The following CDKN3 variants were observed in gnomAD, a reference collection of about 807,000 sequenced individuals.
CDKN3 encodes cyclin dependent kinase inhibitor 3.
Under a neutral mutation model 36.1 loss-of-function variants are expected in CDKN3, and 19 were observed. The observed-to-expected ratio is 0.53, with a 90% confidence interval of 0.37 to 0.77. CDKN3 has a LOEUF of 0.77. Ranked by LOEUF, CDKN3 falls within the 30% of genes least tolerant of loss-of-function variation. The pLI is 0.00. For synonymous variants in CDKN3, 71 were observed against 85.3 expected (o/e 0.83, Z 0.92); for missense variants, 188 against 248.6 (o/e 0.76, Z 1.64).
chr14:54,397,044 T>G lies in CDKN3; in HGVS notation c.-25T>G. ...CCGGCGCTGCAGAGGGAGGCGGCAC[T>G]GGTCTCGACGTGGGGCGGCCAGCGA... On this transcript the variant is annotated 5_prime_UTR_variant, in exon 1 of 8. Coordinates refer to ENST00000335183, the MANE Select transcript of CDKN3 (RefSeq NM_005192.4). The G allele has an allele frequency of 6.7e-7, 1 of 1,490,650 alleles. No individual in the cohort carries two copies. 92.3% of individuals were successfully genotyped at this position (1,490,650 alleles called of 1,614,324 possible). A position where few individuals can be genotyped will look rare whatever the true frequency, so the allele number is the denominator to read the frequency against.
At position 54,397,080 on chromosome 14, in the gene CDKN3, G is replaced by A; in HGVS notation, c.9+3G>A. The stretch of plus-strand genomic sequence containing the variant: ...TGGGGCGGCCAGCGATGAAGCCGGT[G>A]AGTCGGACGTGCTGGGGTTTGGAGG... On this transcript the variant is annotated splice_donor_region_variant and intron_variant, in intron 1 of 7. Coordinates refer to ENST00000335183, the MANE Select transcript of CDKN3 (RefSeq NM_005192.4). 6.7e-7 allele frequency: 1 copy of A among 1,502,294 alleles called. No individual in the cohort carries two copies. Among genetic ancestry groups the A allele is most frequent in the Non-Finnish European group, 8.9e-7 (1 of 1,122,684 alleles). 93.1% of individuals were successfully genotyped at this position (1,502,294 alleles called of 1,614,324 possible).
At chr14:54,408,558 C>A (rs4251623) in intron 3 of CDKN3, 187 bp from the exon 4 acceptor site, 454,993 of 660,698 alleles carry the variant, frequency 0.69, 157,325 homozygotes, top group Middle Eastern at 0.72. Flanking sequence ...AGAATCCTTG[C>A]TTAGGATGAA....
In CDKN3 at chr14:54,420,107, T is replaced by C. The variant is rs781388850; in HGVS notation, c.*29T>C. The C allele has an allele frequency of 6.5e-6, 8 of 1,225,016 alleles. No homozygotes were observed. The South Asian group carries it at 8.9e-5, about 14-fold the overall frequency. The allele number at this position is 1,225,016 out of a possible 1,614,324, so 75.9% of individuals were successfully genotyped here. On this transcript the variant is annotated 3_prime_UTR_variant, in exon 8 of 8. Transcript: ENST00000335183. ...AATTCAAATAGCATATATATGACCA[T>C]GTCTGAAATGTCAGTTCTCTAGCAT...
At chr14:54,419,546 TTA>T (rs778095575) in intron 7 of CDKN3, among the ~76,000 whole-genome samples, 6 of 152,232 alleles carry the variant, frequency 3.9e-5, no homozygotes, top group Non-Finnish European at 7.3e-5. Context: ...CCCTAGTGCA[TTA>T]TGTCATCACA....
At chr14:54,418,149 TA>T in intron 7 of CDKN3, 198 bp downstream of exon 7, 1 of 706,686 alleles carries the variant, frequency 1.4e-6, no homozygotes. Flanking sequence ...CCAGGTAGTC[TA>T]AAAAAGCACA....
intron 3 of CDKN3, among the ~76,000 whole-genome samples, chr14:54,402,204 C>CAA (rs202192816): frequency 1.4e-3 from 156 of 110,586 alleles, no homozygotes; most frequent in Non-Finnish European, 1.9e-3. Flanking sequence ...GACTCTGTCT[C>CAA]AAAAAAAAAA....
intron 7 of CDKN3, chr14:54,418,419 G>A (rs2030620581): frequency 8.1e-6 from 5 of 617,022 alleles, no homozygotes; most frequent in South Asian, 7.7e-5. Context: ...ATGGAAAGCA[G>A]TGCTAATTAT....
At chr14:54,400,243 A>AATAAGAC (rs1224744355) in intron 2 of CDKN3, among the ~76,000 whole-genome samples, 3 of 122,570 alleles carry the variant, frequency 2.4e-5, no homozygotes, top group Non-Finnish European at 5.5e-5. Context: ...TCTTTATAAG[A>AATAAGAC]CCCTTTTTTT....
intron 7 of CDKN3, among the ~76,000 whole-genome samples, chr14:54,419,557 C>T (rs2139992153): frequency 6.6e-6 from 1 of 152,172 alleles, no homozygotes; most frequent in Non-Finnish European, 1.5e-5. Flanking sequence ...TATGTCATCA[C>T]AAAAAAGCAG....
intron 6 of CDKN3, among the ~76,000 whole-genome samples, chr14:54,417,266 C>T (rs4251658): frequency 0.048 from 7,238 of 152,028 alleles, 589 homozygotes; most frequent in African/African-American, 0.17. Flanking sequence ...CATCAGTTGA[C>T]GAACAGATAA....
Position 54,417,933 on chromosome 14 carries a change from G to A in CDKN3, c.534G>A (p.Gly178=). 2 of 1,587,836 alleles carry A rather than the reference G, an allele frequency of 1.3e-6. No individual in the cohort carries two copies. Among genetic ancestry groups the A allele is most frequent in the Non-Finnish European group, 1.7e-6 (2 of 1,165,346 alleles). Residue 178 remains glycine, a synonymous_variant, in exon 7 of 8, where the codon GGG becomes GGA. Coordinates refer to ENST00000335183, the MANE Select transcript of CDKN3 (RefSeq NM_005192.4). The part of the protein sequence containing the change: ...IDSLRDLRGS[G]AIQTIKQYNY... ...GCCTGCGAGACCTAAGAGGATCCGG[G>A]GCAATACAGACCATCAAGGTGAGGA...
intron 7 of CDKN3, 191 bp downstream of exon 7, chr14:54,418,142 G>C (rs2030611756): frequency 1.4e-6 from 1 of 707,272 alleles, no homozygotes. Flanking sequence ...ATATAATCCA[G>C]GTAGTCTAAA....
chr14:54,401,667 T>G lies in CDKN3; in HGVS notation c.148+88T>G, dbSNP rs1433334535. 3.1e-6 allele frequency: 3 copies of G among 968,118 alleles called. No homozygotes were observed. In the East Asian group the frequency reaches 8.1e-5, roughly 26 times the overall value. 60.0% of individuals were successfully genotyped at this position (968,118 alleles called of 1,614,324 possible). A position where few individuals can be genotyped will look rare whatever the true frequency, so the allele number is the denominator to read the frequency against. On this transcript the variant is annotated intron_variant, in intron 3 of 7. Coordinates refer to ENST00000335183, the MANE Select transcript of CDKN3 (RefSeq NM_005192.4). ...CAGTAGCTTTTGGGGGGACAGGTGG[T>G]GTTTGGTTACATAAATAAGTTCTTT...
rs1425691140 is a variant in CDKN3, at chr14:54,415,942, A to G, written c.448+12A>G. The G allele has an allele frequency of 6.4e-7, 1 of 1,567,986 alleles. No individual in the cohort carries two copies. Among genetic ancestry groups the G allele is most frequent in the Admixed American group, 1.7e-5 (1 of 59,794 alleles). On this transcript the variant is annotated intron_variant, in intron 6 of 7. Coordinates refer to ENST00000335183, the MANE Select transcript of CDKN3 (RefSeq NM_005192.4). ...GAGATCTTGTCTTGGTAAGAAATAT[A>G]TTTCTATTATTTTTTTAACCGCCAA... is the stretch of plus-strand genomic sequence containing the variant.
chr14:54,407,264 G>A (rs1341219332), intron 3 of CDKN3, among the ~76,000 whole-genome samples: 1 of 152,210 alleles, frequency 6.6e-6, no homozygotes, highest in Admixed American at 6.5e-5. Context: ...GAGTTCTCCT[G>A]TACGAAGTGT....
intron 3 of CDKN3, among the ~76,000 whole-genome samples, chr14:54,404,674 A>C (rs568168539): frequency 6.6e-6 from 1 of 151,994 alleles, no homozygotes; most frequent in East Asian, 1.9e-4. Flanking sequence ...TCCCGGGTTC[A>C]TGCCATTCTC....
chr14:54,405,513 C>A (rs982347285), intron 3 of CDKN3, among the ~76,000 whole-genome samples: 2 of 152,054 alleles, frequency 1.3e-5, no homozygotes, highest in African/African-American at 4.8e-5. Flanking sequence ...GCTTTATGAA[C>A]CTGGGTGCTT....
chr14:54,415,521 T>A (rs890518817), intron 5 of CDKN3, among the ~76,000 whole-genome samples: 7 of 152,238 alleles, frequency 4.6e-5, no homozygotes, highest in African/African-American at 1.7e-4. Flanking sequence ...TGAATGGTTA[T>A]TATCTACATG....
chr14:54,404,172 T>C (rs1220715890), intron 3 of CDKN3, among the ~76,000 whole-genome samples: 2 of 152,276 alleles, frequency 1.3e-5, no homozygotes, highest in East Asian at 3.9e-4. Flanking sequence ...GTCCTGGGCT[T>C]TTTTTGGTTG....
Sources: allele counts gnomAD v4.1 joint callset (sites outside exome capture counted in the v4.1 genomes callset), GRCh38; gene constraint gnomAD v4.1.1; transcripts MANE v1.5; gene names NCBI Gene and HGNC (gene_info 2026-07-23, HGNC 2026-07-21).